ERBB4: variants seen among roughly 807,000 people sequenced by gnomAD.
The protein encoded by ERBB4 is erb-b2 receptor tyrosine kinase 4.
A neutral mutation model predicts 158.0 loss-of-function variants in ERBB4; 42 were observed. That is an observed-to-expected ratio of 0.27 (90% CI 0.21 to 0.34). The LOEUF is 0.34. Among genes scored for constraint, ERBB4 ranks in the 10% least tolerant of loss-of-function variants. ERBB4 has a pLI of 1.00. For synonymous variants in ERBB4, 583 were observed against 558.7 expected (o/e 1.04, Z -0.61); for missense variants, 1,333 against 1,624.1 (o/e 0.82, Z 3.08).
At chr2:212,237,813 C>T (rs915458793) in intron 1 of ERBB4, among the ~76,000 whole-genome samples, 2 of 152,184 alleles carry the variant, frequency 1.3e-5, no homozygotes, top group Admixed American at 6.6e-5. Context: ...CTGGCTACAT[C>T]GGCTTTGCAG....
In ERBB4 at chr2:211,996,667, C is replaced by A. The variant is rs148564182; in HGVS notation, c.235-49051G>T. Among the ~76,000 whole-genome samples the A allele has an allele frequency of 2.9e-3, 446 of 152,236 alleles. 3 individuals carry two copies. Among genetic ancestry groups the A allele is most frequent in the Middle Eastern group, 0.017 (5 of 294 alleles). ...GATACTGTAATGTTCTATGTGCAAA[C>A]CTTGATTACTCAGGCCTTCGGTTTG... is the stretch of plus-strand genomic sequence containing the variant. On this transcript the variant is annotated intron_variant, in intron 2 of 27. Coordinates refer to ENST00000342788, the MANE Select transcript of ERBB4 (RefSeq NM_005235.3).
Position 211,964,797 on chromosome 2 carries a change from C to A in ERBB4, c.235-17181G>T, listed in dbSNP as rs139452560. Reference sequence around the variant, plus strand: ...GATTAAGATTCTACAGGACATTTTTCTACTACTCAAATAAATTTCTGCTAC... The same window carrying A: ...GATTAAGATTCTACAGGACATTTTTATACTACTCAAATAAATTTCTGCTAC... On this transcript the variant is annotated intron_variant, in intron 2 of 27. Coordinates refer to ENST00000342788, the MANE Select transcript of ERBB4 (RefSeq NM_005235.3). Among the ~76,000 whole-genome samples, 896 of 152,234 alleles carry A rather than the reference C, an allele frequency of 5.9e-3. 6 individuals are homozygous for A. The highest frequency in any genetic ancestry group is 0.021 in the African/African-American group (862 of 41,554).
intron 4 of ERBB4, among the ~76,000 whole-genome samples, chr2:211,785,660 A>G (rs1186734722): frequency 2.0e-5 from 3 of 152,156 alleles, no homozygotes; most frequent in Non-Finnish European, 1.5e-5. Context: ...TCCCAACACC[A>G]TTTGTTGAAG....
chr2:212,069,881 G>A (rs79417654), intron 2 of ERBB4, among the ~76,000 whole-genome samples: 12,209 of 152,028 alleles, frequency 0.08, 690 homozygotes, highest in Non-Finnish European at 0.12. Flanking sequence ...ACTTTGGGAG[G>A]CTGAGGTGAG....
chr2:211,404,898 G>C (rs1559134732), intron 25 of ERBB4, among the ~76,000 whole-genome samples: 1 of 152,104 alleles, frequency 6.6e-6, no homozygotes, highest in African/African-American at 2.4e-5. Flanking sequence ...ATCTGGATGT[G>C]AGTTATTTTT....
Position 212,216,578 on chromosome 2 carries a change from G to C in ERBB4, c.83-91675C>G, listed in dbSNP as rs192600973. ...GACTTATGAAGGGTCTATGCCATCA[G>C]GAGAATTAATATCTTCATCCAGAAT... On this transcript the variant is annotated intron_variant, in intron 1 of 27. Transcript: ENST00000342788. Among the ~76,000 whole-genome samples the C allele has an allele frequency of 2.6e-5, 4 of 151,200 alleles. No homozygotes were observed. The East Asian group carries it at 7.8e-4, about 29-fold the overall frequency.
intron 2 of ERBB4, among the ~76,000 whole-genome samples, chr2:212,079,221 AT>A (rs35728153): frequency 0.7 from 106,473 of 151,448 alleles, 40,564 homozygotes; most frequent in East Asian, 1. Context: ...CAATTGCCAA[AT>A]TTCACCCCCC....
chr2:211,913,619 A>ATATGTGTGTG (rs1392716173), intron 3 of ERBB4, among the ~76,000 whole-genome samples: 2 of 132,822 alleles, frequency 1.5e-5, no homozygotes, highest in South Asian at 2.6e-4. Flanking sequence ...ATATATATAT[A>ATATGTGTGTG]TGTGTGTGTG....
At chr2:212,366,148 C>T (rs2089882719) in intron 1 of ERBB4, among the ~76,000 whole-genome samples, 3 of 151,814 alleles carry the variant, frequency 2.0e-5, no homozygotes, top group African/African-American at 7.3e-5. Flanking sequence ...GCTCAGAGAC[C>T]ATTTACATGC....
intron 2 of ERBB4, among the ~76,000 whole-genome samples, chr2:212,103,743 C>T (rs1251325700): frequency 6.6e-6 from 1 of 151,528 alleles, no homozygotes; most frequent in Non-Finnish European, 1.5e-5. Flanking sequence ...TACAATGCAC[C>T]TCTTCTATTT....
chr2:212,380,982 T>C (rs2106411075), intron 1 of ERBB4, among the ~76,000 whole-genome samples: 1 of 151,474 alleles, frequency 6.6e-6, no homozygotes, highest in Non-Finnish European at 1.5e-5. Context: ...AGGTTTCTTT[T>C]TTCGTTTTCA....
chr2:211,964,470 T>G (rs949351172), intron 2 of ERBB4, among the ~76,000 whole-genome samples: 2 of 152,158 alleles, frequency 1.3e-5, no homozygotes, highest in African/African-American at 2.4e-5. Context: ...ACAAGAATAT[T>G]CAAAAGGAAC....
At chr2:211,994,634 T>A (rs1229452104) in intron 2 of ERBB4, among the ~76,000 whole-genome samples, 1 of 152,190 alleles carries the variant, frequency 6.6e-6, no homozygotes, top group African/African-American at 2.4e-5. Flanking sequence ...AATAGTTTTA[T>A]TCCAGACAAT....
intron 1 of ERBB4, among the ~76,000 whole-genome samples, chr2:212,485,907 A>G (rs1689952792): frequency 6.6e-6 from 1 of 152,042 alleles, no homozygotes; most frequent in Non-Finnish European, 1.5e-5. Context: ...CTCCATGCTC[A>G]TGACCAAACC....
At chr2:211,484,448 T>C (rs1320352141) in intron 20 of ERBB4, among the ~76,000 whole-genome samples, 1 of 152,098 alleles carries the variant, frequency 6.6e-6, no homozygotes, top group Admixed American at 6.6e-5. Flanking sequence ...CACTTCTATA[T>C]CCTGCCTACA....
chr2:211,730,984 A>G (rs1337245595), intron 5 of ERBB4, among the ~76,000 whole-genome samples: 1 of 152,062 alleles, frequency 6.6e-6, no homozygotes, highest in Non-Finnish European at 1.5e-5. Flanking sequence ...TTAATTTCCT[A>G]TTTGTGTTGT....
At chr2:211,943,134 A>C (rs1026044673) in intron 3 of ERBB4, among the ~76,000 whole-genome samples, 1 of 152,060 alleles carries the variant, frequency 6.6e-6, no homozygotes, top group Non-Finnish European at 1.5e-5. Context: ...ATATAGATTA[A>C]ATTGTATCAC....
intron 2 of ERBB4, among the ~76,000 whole-genome samples, chr2:212,116,637 G>C (rs2079580199): frequency 6.6e-6 from 1 of 152,074 alleles, no homozygotes; most frequent in African/African-American, 2.4e-5. Flanking sequence ...TGTAGAGACA[G>C]GGTCTCACTA....
At chr2:212,188,311 C>G (rs924009440) in intron 1 of ERBB4, among the ~76,000 whole-genome samples, 1 of 137,306 alleles carries the variant, frequency 7.3e-6, no homozygotes, top group African/African-American at 2.6e-5. Context: ...CTCCCTCCCT[C>G]TCTATCCCGC....
Sources: gnomAD v4.1 joint callset for allele counts (sites outside exome capture counted in the v4.1 genomes callset) on GRCh38, gnomAD v4.1.1 for gene constraint, MANE v1.5 for transcripts, NCBI Gene and HGNC (gene_info 2026-07-23, HGNC 2026-07-21) for gene names.